Variants in ADGRA3 observed in about 807,000 individuals in gnomAD.
ADGRA3 encodes the protein adhesion G protein-coupled receptor A3, also known as G-protein coupled receptor 125.
ADGRA3 carries 56 observed loss-of-function variants against 119.8 expected under a neutral mutation model. The observed-to-expected ratio is 0.47, with a 90% confidence interval of 0.38 to 0.58. The LOEUF is 0.58. Among genes scored for constraint, ADGRA3 ranks in the 20% least tolerant of loss-of-function variants. The pLI is 0.00. For synonymous variants in ADGRA3, 607 were observed against 623.8 expected (o/e 0.97, Z 0.40); for missense variants, 1,516 against 1,649.0 (o/e 0.92, Z 1.40).
chr4:22,447,459 G>A lies in ADGRA3; in HGVS notation c.526C>T (p.Leu176Phe). The A allele has an allele frequency of 6.4e-7, 1 of 1,569,392 alleles. No homozygotes were observed. Residue 176 changes from leucine (L) to phenylalanine (F), a missense_variant, in exon 5 of 19, where the codon CTT (leucine) becomes TTT (phenylalanine). Transcript: ENST00000334304. ...ACTTACAAAGACCGTAATGACGCAA[G>A]ATAATCAAAAGTTCCTTGAGATAAT... ...SSLSQGTFDY[L>F]ASLRSLEFQT...
At chr4:22,426,069 T>C (rs1246113262) in intron 10 of ADGRA3, among the ~76,000 whole-genome samples, 1 of 152,216 alleles carries the variant, frequency 6.6e-6, no homozygotes, top group Admixed American at 6.5e-5. Flanking sequence ...GCCTGGCACA[T>C]GGCAAGCACT....
chr4:22,419,790 A>G (rs1715576937), intron 12 of ADGRA3, among the ~76,000 whole-genome samples: 1 of 152,112 alleles, frequency 6.6e-6, no homozygotes, highest in Non-Finnish European at 1.5e-5. Context: ...CCCCAATATA[A>G]GACACAATAA....
chr4:22,435,507 A>G (rs1407501918), intron 9 of ADGRA3, 41 bp from the exon 10 acceptor site: 13 of 1,529,388 alleles, frequency 8.5e-6, no homozygotes, highest in Admixed American at 1.8e-5. Context: ...AACAGTCATT[A>G]GCAAAATGAT....
chr4:22,446,588 T>G (rs575405450), intron 5 of ADGRA3, among the ~76,000 whole-genome samples: 4 of 152,218 alleles, frequency 2.6e-5, no homozygotes, highest in African/African-American at 9.6e-5. Flanking sequence ...AGGAGCTGGT[T>G]GGGGCTCCTA....
At chr4:22,482,168 C>T (rs1265618942) in intron 1 of ADGRA3, among the ~76,000 whole-genome samples, 1 of 152,156 alleles carries the variant, frequency 6.6e-6, no homozygotes, top group Admixed American at 6.5e-5. Flanking sequence ...TGTTGTAACA[C>T]TTCTCATTAT....
Position 22,390,348 on chromosome 4 carries a change from T to TA in ADGRA3, c.2628-1166_2628-1165insT, listed in dbSNP as rs1553871418. 2.2e-3 allele frequency among the ~76,000 whole-genome samples: 171 copies of TA among 78,940 alleles called. 3 individuals carry two copies. The highest frequency in any genetic ancestry group is 8.8e-3 in the African/African-American group (141 of 16,028). The allele number at this position is 78,940 out of a possible 152,430, so 51.8% of individuals were successfully genotyped here. A position where few individuals can be genotyped will look rare whatever the true frequency, so the allele number is the denominator to read the frequency against. ...TATATATATATATATAAAATACATA[T>TA]TATATATATATAATACGTATTATAT... On this transcript the variant is annotated intron_variant, in intron 17 of 18. Coordinates refer to ENST00000334304, the MANE Select transcript of ADGRA3 (RefSeq NM_145290.4).
intron 10 of ADGRA3, among the ~76,000 whole-genome samples, chr4:22,426,262 C>T (rs1480661553): frequency 6.6e-6 from 1 of 152,108 alleles, no homozygotes; most frequent in African/African-American, 2.4e-5. Flanking sequence ...CAGCTTGATC[C>T]TATTAAAATA....
Position 22,467,590 on chromosome 4 carries a change from T to C in ADGRA3, c.330-5782A>G, listed in dbSNP as rs527561122. Among the ~76,000 whole-genome samples the C allele has an allele frequency of 1.1e-4, 17 of 152,358 alleles. No individual in the cohort carries two copies. In the South Asian group the frequency reaches 3.1e-3, roughly 28 times the overall value. ...TTTGGAGTCAATGATGAACTGCATATGTTTCTACAAAATACCTCTCATGAA... is the reference window on the plus strand; with the variant it reads ...TTTGGAGTCAATGATGAACTGCATACGTTTCTACAAAATACCTCTCATGAA... On this transcript the variant is annotated intron_variant, in intron 2 of 18. Transcript: ENST00000334304.
In ADGRA3 at chr4:22,438,298, T is replaced by C. The variant is rs1042158327; in HGVS notation, c.1043A>G (p.Tyr348Cys). ...GTTTACCACCCTCTCTGGAGGACAGTACTGTGCAGAACTCTCTAATACCAC... is the reference window on the plus strand; with the variant it reads ...GTTTACCACCCTCTCTGGAGGACAGCACTGTGCAGAACTCTCTAATACCAC... ...DIVVLESSAQ[Y>C]CPPERVVNNK... The change falls in exon 8 of 19, where the codon TAC becomes TGC. Residue 348 changes from tyrosine to cysteine, a missense_variant. Physicochemically the swap from Tyr to Cys is radical, Grantham distance 194 (BLOSUM62 -2). Coordinates refer to ENST00000334304, the MANE Select transcript of ADGRA3 (RefSeq NM_145290.4). 6.2e-7 allele frequency: 1 copy of C among 1,612,178 alleles called. No individual in the cohort carries two copies. The highest frequency in any genetic ancestry group is 8.5e-7 in the Non-Finnish European group (1 of 1,179,360).
rs776625709 is a variant in ADGRA3 at position 22,388,679 on chromosome 4, C to T, written c.2992G>A (p.Gly998Arg). The change falls in exon 19 of 19, where the codon GGG (glycine) becomes AGG (arginine). Residue 998 changes from glycine to arginine, a missense_variant. By Grantham distance (125) the Gly-to-Arg change is moderately radical. Coordinates refer to ENST00000334304, the MANE Select transcript of ADGRA3 (RefSeq NM_145290.4). The stretch of plus-strand genomic sequence containing the variant: ...TATAAGAGCAAAGTAAGGCTGGCCC[C>T]CAAGAGCTGAGAATGAAAAGTGTGC... Reference protein sequence around the residue: ...NEHTFHSQLLGASLTLLLYVA... With the variant: ...NEHTFHSQLLRASLTLLLYVA... The T allele has an allele frequency of 6.2e-7, 1 of 1,613,992 alleles. No homozygotes were observed. Among genetic ancestry groups the T allele is most frequent in the African/African-American group, 1.3e-5 (1 of 74,998 alleles).
chr4:22,511,895 CTTTTTTT>C (rs5856700), intron 1 of ADGRA3, among the ~76,000 whole-genome samples: 3 of 102,614 alleles, frequency 2.9e-5, no homozygotes, highest in East Asian at 3.0e-4. Context: ...TTCTTTCTTT[CTTTTTTT>C]TTTTTTTTTT....
intron 1 of ADGRA3, among the ~76,000 whole-genome samples, chr4:22,502,685 T>C (rs1719090710): frequency 1.3e-5 from 2 of 150,800 alleles, no homozygotes; most frequent in Admixed American, 1.3e-4. Flanking sequence ...AGAAAAGCAA[T>C]GGCTCCTCAA....
At chr4:22,399,341 T>C (rs1222641383) in intron 16 of ADGRA3, among the ~76,000 whole-genome samples, 3 of 152,214 alleles carry the variant, frequency 2.0e-5, no homozygotes, top group African/African-American at 4.8e-5. Context: ...TCTTGATAAA[T>C]ACAAGTTCTT....
intron 1 of ADGRA3, among the ~76,000 whole-genome samples, chr4:22,510,258 T>C (rs923628166): frequency 1.2e-4 from 18 of 152,140 alleles, no homozygotes; most frequent in Non-Finnish European, 2.5e-4. Flanking sequence ...CCAAATTGGC[T>C]TATTCACCTG....
intron 6 of ADGRA3, among the ~76,000 whole-genome samples, chr4:22,443,809 T>TAA (rs1211359137): frequency 8.5e-5 from 13 of 152,186 alleles, no homozygotes; most frequent in African/African-American, 2.9e-4. Context: ...GTCATGAACA[T>TAA]AAACATGGTC....
At chr4:22,483,580 T>C (rs1269984322) in intron 1 of ADGRA3, among the ~76,000 whole-genome samples, 1 of 152,206 alleles carries the variant, frequency 6.6e-6, no homozygotes, top group Non-Finnish European at 1.5e-5. Flanking sequence ...ATGTTAGACC[T>C]TCTAAACTTA....
At chr4:22,483,823 T>C (rs1718329746) in intron 1 of ADGRA3, among the ~76,000 whole-genome samples, 1 of 152,174 alleles carries the variant, frequency 6.6e-6, no homozygotes, top group African/African-American at 2.4e-5. Context: ...TCAGCATAAT[T>C]AAAGGCAGAG....
intron 1 of ADGRA3, among the ~76,000 whole-genome samples, chr4:22,482,278 G>A (rs1718281125): frequency 6.6e-6 from 1 of 151,996 alleles, no homozygotes; most frequent in Admixed American, 6.6e-5. Context: ...GACCATAATT[G>A]CATCCTCACA....
At chr4:22,426,945 G>C (rs1715964633) in intron 10 of ADGRA3, among the ~76,000 whole-genome samples, 2 of 152,126 alleles carry the variant, frequency 1.3e-5, no homozygotes, top group Admixed American at 1.3e-4. Context: ...TTATAAAGAA[G>C]GGTATTGACT....
Sources: gnomAD v4.1 joint callset for allele counts (sites outside exome capture counted in the v4.1 genomes callset) on GRCh38, gnomAD v4.1.1 for gene constraint, MANE v1.5 for transcripts, NCBI Gene and HGNC (gene_info 2026-07-23, HGNC 2026-07-21) for gene names.